The following ADGRL2 variants were observed in gnomAD, a reference collection of about 807,000 sequenced individuals.
ADGRL2 encodes calcium-independent alpha-latrotoxin receptor 2.
ADGRL2 carries 44 observed loss-of-function variants against 157.4 expected under a neutral mutation model. The ratio of observed to expected loss-of-function variants is 0.28; its 90% CI spans 0.22 to 0.36. The LOEUF (loss-of-function observed/expected upper bound fraction) is 0.36, where lower values mean the gene tolerates loss of function less well. Among genes scored for constraint, ADGRL2 ranks in the 10% least tolerant of loss-of-function variants. The pLI is 1.00. For missense variants in ADGRL2, 1,510 were observed against 1,768.9 expected, an observed-to-expected ratio of 0.85 and a Z score of 2.63; for synonymous variants, 585 against 624.7, an observed-to-expected ratio of 0.94 and a Z score of 0.95.
At chr1:81,877,017 A>G (rs1246004564) in intron 2 of ADGRL2, among the ~76,000 whole-genome samples, 1 of 152,154 alleles carries the variant, frequency 6.6e-6, no homozygotes, top group South Asian at 2.1e-4. Flanking sequence ...CTCCTGCCCA[A>G]CCGCTCATTC....
Position 81,664,969 on chromosome 1 carries a change from C to A in ADGRL2, c.-143+83989C>A, listed in dbSNP as rs529681512. On this transcript the variant is annotated intron_variant, in intron 3 of 24. Transcript: ENST00000370721. Reference sequence around the variant, plus strand: ...AACTTGAGGCTAAGAATACGATAAACAATGAATCTGACATTGTCCCTCCCC... The same window carrying A: ...AACTTGAGGCTAAGAATACGATAAAAAATGAATCTGACATTGTCCCTCCCC... 6.2e-4 allele frequency among the ~76,000 whole-genome samples: 94 copies of A among 152,124 alleles called. 1 individual carries two copies. The highest frequency in any genetic ancestry group is 2.0e-3 in the African/African-American group (82 of 41,514).
Position 81,522,911 on chromosome 1 carries a change from T to C in ADGRL2, c.-247-57965T>C, listed in dbSNP as rs569211951. On this transcript the variant is annotated intron_variant, in intron 2 of 24. Coordinates refer to the ADGRL2 transcript ENST00000370721. ...AATTTATTTACATTCAAAGGTTCAG[T>C]AGGAATTTCATATCTGAATATGCTC... Among the ~76,000 whole-genome samples the C allele has an allele frequency of 1.2e-3, 180 of 152,300 alleles. 1 individual carries two copies. Among genetic ancestry groups the C allele is most frequent in the Non-Finnish European group, 1.9e-3 (132 of 68,008 alleles).
intron 2 of ADGRL2, among the ~76,000 whole-genome samples, chr1:81,787,520 T>A (rs1239979024): frequency 1.3e-5 from 2 of 152,038 alleles, no homozygotes; most frequent in Admixed American, 1.3e-4. Context: ...CCGGGTGTGG[T>A]GGCACACGCT....
chr1:81,617,575 CTTGCTTTCCA>C (rs2081687696), intron 3 of ADGRL2, among the ~76,000 whole-genome samples: 1 of 152,236 alleles, frequency 6.6e-6, no homozygotes, highest in African/African-American at 2.4e-5. Flanking sequence ...CTTTTGAGTA[CTTGCTTTCCA>C]CCTGGGATGT....
chr1:81,894,258 G>A (rs2094333725), intron 2 of ADGRL2, among the ~76,000 whole-genome samples: 1 of 151,940 alleles, frequency 6.6e-6, no homozygotes, highest in African/African-American at 2.4e-5. Context: ...TTTCTGTTTG[G>A]TGGTGTTTTT....
intron 2 of ADGRL2, among the ~76,000 whole-genome samples, chr1:81,465,489 CCATT>C (rs1341513244): frequency 6.6e-6 from 1 of 151,772 alleles, no homozygotes; most frequent in Admixed American, 6.6e-5. Flanking sequence ...AAAATGATCT[CCATT>C]CAGAAAGATT....
chr1:81,467,667 GTGAC>G (rs1367453898), intron 2 of ADGRL2, among the ~76,000 whole-genome samples: 1 of 152,092 alleles, frequency 6.6e-6, no homozygotes, highest in African/African-American at 2.4e-5. Flanking sequence ...TATTTTTTCA[GTGAC>G]TGGTACTTTT....
chr1:81,427,803 T>C (rs2077246076), intron 1 of ADGRL2, among the ~76,000 whole-genome samples: 1 of 152,210 alleles, frequency 6.6e-6, no homozygotes. Context: ...AGGACTGCCA[T>C]AGCCATAGTT....
intron 2 of ADGRL2, among the ~76,000 whole-genome samples, chr1:81,493,824 G>C (rs539491042): frequency 1.3e-5 from 2 of 152,186 alleles, no homozygotes; most frequent in African/African-American, 4.8e-5. Flanking sequence ...TCAGAAGTTT[G>C]GATCAGTAGA....
At chr1:81,961,901 T>C (rs563899259) in intron 11 of ADGRL2, among the ~76,000 whole-genome samples, 1 of 152,332 alleles carries the variant, frequency 6.6e-6, no homozygotes, top group East Asian at 1.9e-4. Flanking sequence ...TTTCTAAGAA[T>C]GTACCAGAAT....
At chr1:81,690,719 T>G (rs2083314453) in intron 3 of ADGRL2, among the ~76,000 whole-genome samples, 1 of 152,198 alleles carries the variant, frequency 6.6e-6, no homozygotes, top group African/African-American at 2.4e-5. Flanking sequence ...CTTTGTAAAT[T>G]TTTCCTACTC....
chr1:81,953,258 A>G (rs1009326177), intron 10 of ADGRL2, among the ~76,000 whole-genome samples: 1 of 152,200 alleles, frequency 6.6e-6, no homozygotes, highest in Non-Finnish European at 1.5e-5. Context: ...ACGAATTTTA[A>G]TGAAATATCC....
chr1:81,749,827 C>A (rs1022685676), intron 1 of ADGRL2, among the ~76,000 whole-genome samples: 2 of 152,086 alleles, frequency 1.3e-5, no homozygotes, highest in African/African-American at 4.8e-5. Flanking sequence ...AAAATTCATA[C>A]TGACTTCATG....
intron 2 of ADGRL2, among the ~76,000 whole-genome samples, chr1:81,859,490 T>C (rs898103479): frequency 6.9e-6 from 1 of 144,168 alleles, no homozygotes; most frequent in Non-Finnish European, 1.5e-5. Context: ...TACTGCAACC[T>C]CCACCTTCTG....
chr1:81,565,391 G>T (rs2080534956), intron 2 of ADGRL2, among the ~76,000 whole-genome samples: 1 of 152,180 alleles, frequency 6.6e-6, no homozygotes, highest in Non-Finnish European at 1.5e-5. Context: ...TTGGAATATG[G>T]ATGATGAATG....
intron 2 of ADGRL2, among the ~76,000 whole-genome samples, chr1:81,456,787 T>C (rs924236162): frequency 2.0e-5 from 3 of 152,138 alleles, no homozygotes; most frequent in African/African-American, 4.8e-5. Context: ...AAAATAGTTC[T>C]TGATTTTGCT....
chr1:81,380,114 C>T (rs2076318261), intron 1 of ADGRL2, among the ~76,000 whole-genome samples: 1 of 152,230 alleles, frequency 6.6e-6, no homozygotes, highest in South Asian at 2.1e-4. Flanking sequence ...TTTTCCCCTC[C>T]TTCTTTCAGA....
At chr1:81,553,738 A>G (rs2080206949) in intron 2 of ADGRL2, among the ~76,000 whole-genome samples, 1 of 152,190 alleles carries the variant, frequency 6.6e-6, no homozygotes, top group African/African-American at 2.4e-5. Flanking sequence ...CAGTCTTTCA[A>G]AGTTATGCAT....
At chr1:81,947,371 A>G (rs889463494) in intron 6 of ADGRL2, among the ~76,000 whole-genome samples, 1 of 152,228 alleles carries the variant, frequency 6.6e-6, no homozygotes, top group African/African-American at 2.4e-5. Flanking sequence ...GATAACTGCA[A>G]GGTTACTTGT....
Sources: allele counts gnomAD v4.1 joint callset (sites outside exome capture counted in the v4.1 genomes callset), GRCh38; gene constraint gnomAD v4.1.1; transcripts MANE v1.5; gene names NCBI Gene and HGNC (gene_info 2026-07-23, HGNC 2026-07-21).